The following CENPW variants were observed in gnomAD, a reference collection of about 807,000 sequenced individuals.
CENPW encodes the protein centromere protein W, also known as cancer-up-regulated gene 2 protein.
A neutral mutation model predicts 11.1 loss-of-function variants in CENPW; 3 were observed. That is an observed-to-expected ratio of 0.27 (90% CI 0.12 to 0.70). The LOEUF is 0.70. Among genes scored for constraint, CENPW ranks in the 30% least tolerant of loss-of-function variants. The probability of loss-of-function intolerance (pLI) is 0.77; values close to 1 mark genes in which losing one functional copy is unlikely to be tolerated. For missense variants in CENPW, 100 were observed against 105.6 expected (o/e 0.95, Z 0.23); for synonymous variants, 38 against 42.0 (o/e 0.91, Z 0.37).
At chr6:126,405,598 C>T in the CENPW span, among the ~76,000 whole-genome samples, 1,495 of 151,946 alleles carry the variant, frequency 9.8e-3, 69 homozygotes, top group Admixed American at 0.072. Flanking sequence ...TTTGGTAGTA[C>T]AGTTATTAGA....
the CENPW span, among the ~76,000 whole-genome samples, chr6:126,439,665 G>A: frequency 1.3e-5 from 2 of 151,606 alleles, no homozygotes; most frequent in Non-Finnish European, 3.0e-5. Flanking sequence ...TTGGCCACTT[G>A]AAGACGGCTG....
chr6:126,372,257 A>G, the CENPW span, among the ~76,000 whole-genome samples: 1 of 152,172 alleles, frequency 6.6e-6, no homozygotes, highest in Non-Finnish European at 1.5e-5. Flanking sequence ...GACACCAGCA[A>G]GAAAATGTAG....
At chr6:126,475,897 A>G in the CENPW span, among the ~76,000 whole-genome samples, 2 of 151,970 alleles carry the variant, frequency 1.3e-5, no homozygotes, top group African/African-American at 4.8e-5. Context: ...AAGACCTTAG[A>G]AATTATCGAG....
chr6:126,426,712 A>C, the CENPW span, among the ~76,000 whole-genome samples: 159 of 152,248 alleles, frequency 1.0e-3, no homozygotes, highest in African/African-American at 3.6e-3. Flanking sequence ...AACAATATAC[A>C]AAAATTTAAT....
chr6:126,444,422 T>C, the CENPW span, among the ~76,000 whole-genome samples: 1 of 150,986 alleles, frequency 6.6e-6, no homozygotes, highest in Non-Finnish European at 1.5e-5. Flanking sequence ...TTTTTCTATA[T>C]TCTGTTTTAT....
At chr6:126,410,617 G>A in the CENPW span, among the ~76,000 whole-genome samples, 1 of 151,048 alleles carries the variant, frequency 6.6e-6, no homozygotes. Context: ...TCTTCTGCTT[G>A]TGCAGCTCTC....
intron 1 of CENPW, among the ~76,000 whole-genome samples, chr6:126,344,628 C>T (rs935073675): frequency 2.6e-5 from 4 of 152,112 alleles, no homozygotes; most frequent in African/African-American, 7.2e-5. Flanking sequence ...GATGCTTTAC[C>T]TCAGAGTTCT....
the CENPW span, among the ~76,000 whole-genome samples, chr6:126,475,099 A>T: frequency 6.6e-6 from 1 of 152,124 alleles, no homozygotes; most frequent in Non-Finnish European, 1.5e-5. Flanking sequence ...GATCTTTAAA[A>T]TTTCTTATTT....
At chr6:126,400,736 C>G in the CENPW span, among the ~76,000 whole-genome samples, 1 of 151,872 alleles carries the variant, frequency 6.6e-6, no homozygotes, top group Non-Finnish European at 1.5e-5. Context: ...CTTTTTTCCT[C>G]TTTATATTTT....
At chr6:126,433,298 C>G in the CENPW span, among the ~76,000 whole-genome samples, 1 of 152,028 alleles carries the variant, frequency 6.6e-6, no homozygotes, top group South Asian at 2.1e-4. Flanking sequence ...ATATATTAGG[C>G]CTTGTGCTAG....
At chr6:126,394,535 T>C in the CENPW span, among the ~76,000 whole-genome samples, 1 of 152,140 alleles carries the variant, frequency 6.6e-6, no homozygotes, top group Admixed American at 6.6e-5. Flanking sequence ...ATTTAGTCTT[T>C]TCATCTTTCT....
the CENPW span, among the ~76,000 whole-genome samples, chr6:126,475,881 C>G: frequency 1.3e-5 from 2 of 151,954 alleles, no homozygotes; most frequent in Non-Finnish European, 2.9e-5. Flanking sequence ...AATGCCAGAG[C>G]TAAAAAAGAC....
chr6:126,370,151 C>T, the CENPW span, among the ~76,000 whole-genome samples: 771 of 152,256 alleles, frequency 5.1e-3, 6 homozygotes, highest in Non-Finnish European at 9.1e-3. Flanking sequence ...ATACCAGTAC[C>T]ATGATATGTT....
At chr6:126,358,981 T>C in the CENPW span, among the ~76,000 whole-genome samples, 3 of 151,948 alleles carry the variant, frequency 2.0e-5, no homozygotes, top group South Asian at 6.2e-4. Flanking sequence ...TCACTTTTTT[T>C]TTTTCTTTTC....
the CENPW span, among the ~76,000 whole-genome samples, chr6:126,480,685 T>C: frequency 6.6e-6 from 1 of 152,024 alleles, no homozygotes; most frequent in Non-Finnish European, 1.5e-5. Context: ...GGAATGACTC[T>C]TTTGTGGTAG....
chr6:126,397,228 A>G, the CENPW span, among the ~76,000 whole-genome samples: 21 of 152,006 alleles, frequency 1.4e-4, no homozygotes, highest in Non-Finnish European at 7.4e-5. Flanking sequence ...TCAAGTTTCA[A>G]CCCCTAGGAT....
At chr6:126,472,081 G>A in the CENPW span, among the ~76,000 whole-genome samples, 3 of 152,086 alleles carry the variant, frequency 2.0e-5, no homozygotes, top group African/African-American at 7.2e-5. Flanking sequence ...CTATCATAAA[G>A]CTTCAATAAT....
At chr6:126,406,506 C>T in the CENPW span, among the ~76,000 whole-genome samples, 3 of 151,978 alleles carry the variant, frequency 2.0e-5, no homozygotes, top group Non-Finnish European at 4.4e-5. Context: ...AAAAAATTTC[C>T]TCCACTTCAA....
At chr6:126,421,222 A>G in the CENPW span, among the ~76,000 whole-genome samples, 1 of 152,162 alleles carries the variant, frequency 6.6e-6, no homozygotes, top group Non-Finnish European at 1.5e-5. Flanking sequence ...TATATTGATG[A>G]TTTACAGATT....
Sources: gnomAD v4.1 joint callset for allele counts (sites outside exome capture counted in the v4.1 genomes callset) on GRCh38, gnomAD v4.1.1 for gene constraint, MANE v1.5 for transcripts, NCBI Gene and HGNC (gene_info 2026-07-23, HGNC 2026-07-21) for gene names.